DICER1: variants seen among roughly 807,000 people sequenced by gnomAD.
DICER1 encodes dicer 1, ribonuclease III, also known as endoribonuclease Dicer.
In DICER1, 43 loss-of-function variants were observed where a neutral mutation model predicts 194.1. The observed-to-expected ratio is 0.22, with a 90% CI of 0.17 to 0.29. The LOEUF (loss-of-function observed/expected upper bound fraction) is 0.29. DICER1 is among the 10% of genes least tolerant of loss of function. DICER1 has a pLI of 1.00. For synonymous variants in DICER1, 832 were observed against 820.5 expected (o/e 1.01, Z -0.24); for missense variants, 1,608 against 2,317.0 (o/e 0.69, Z 6.28).
chr14:95,086,413 A>G lies in DICER1; in HGVS notation c.*4085T>C, dbSNP rs1299339662. The G allele has an allele frequency of 8.6e-6, 2 of 233,216 alleles. No homozygotes were observed. Among genetic ancestry groups the G allele is most frequent in the African/African-American group, 4.4e-5 (2 of 45,348 alleles). The allele number at this position is 233,216 out of a possible 1,614,324, so 14.4% of individuals were successfully genotyped here. Reference sequence around the variant, plus strand: ...TGTGATGGTAAATATTTTATTGTCAATCAAATAATATGCATTAGTTTTACT... The same window carrying G: ...TGTGATGGTAAATATTTTATTGTCAGTCAAATAATATGCATTAGTTTTACT... On this transcript the variant is annotated 3_prime_UTR_variant, in exon 27 of 27. Coordinates refer to ENST00000343455, the MANE Select transcript of DICER1 (RefSeq NM_177438.3).
At chr14:95,151,640 G>T (rs564093685) in intron 1 of DICER1, among the ~76,000 whole-genome samples, 1 of 152,104 alleles carries the variant, frequency 6.6e-6, no homozygotes, top group African/African-American at 2.4e-5. Context: ...TCTCTCTGAC[G>T]CCAAACACTT....
chr14:95,143,639 T>G (rs1894954937), intron 1 of DICER1, among the ~76,000 whole-genome samples: 1 of 152,212 alleles, frequency 6.6e-6, no homozygotes, highest in African/African-American at 2.4e-5. Context: ...TGTAACCATT[T>G]AGTTACATAA....
chr14:95,096,103 G>A lies in DICER1; in HGVS notation c.4817C>T (p.Thr1606Ile), dbSNP rs2139842797. ...TTGTTGGCTGTTGAAATTCTCCCGA[G>A]TAGGGCACAGGGCCTTTTCCCGATC... The part of the protein sequence containing the change: ...RTDREKALCP[T>I]RENFNSQQKN... The change falls in exon 23 of 27, where the codon ACT becomes ATT. Residue 1606 changes from threonine (T) to isoleucine (I), a missense_variant. Thr to Ile is a moderately conservative substitution (Grantham distance 89). Coordinates refer to ENST00000343455, the MANE Select transcript of DICER1 (RefSeq NM_177438.3). The A allele has an allele frequency of 6.2e-7, 1 of 1,614,204 alleles. No individual in the cohort carries two copies. Among genetic ancestry groups the A allele is most frequent in the Non-Finnish European group, 8.5e-7 (1 of 1,180,032 alleles).
At chr14:95,102,247 C>T (rs537732838) in intron 21 of DICER1, among the ~76,000 whole-genome samples, 10 of 152,154 alleles carry the variant, frequency 6.6e-5, no homozygotes, top group Admixed American at 1.3e-4. Context: ...AGTTCTATCC[C>T]ATTCTCTGCT....
intron 20 of DICER1, among the ~76,000 whole-genome samples, chr14:95,104,470 C>T (rs1891233002): frequency 6.6e-6 from 1 of 152,216 alleles, no homozygotes; most frequent in African/African-American, 2.4e-5. Flanking sequence ...CATAAACTCT[C>T]TGTGCCTCAG....
intron 5 of DICER1, 99 bp from the exon 6 acceptor site, chr14:95,129,731 T>C (rs1893789573): frequency 8.6e-7 from 1 of 1,163,654 alleles, no homozygotes; most frequent in African/African-American, 1.5e-5. Context: ...CACTAACAAA[T>C]AGTAAAAAAG....
chr14:95,150,330 A>G (rs921893683), intron 1 of DICER1, among the ~76,000 whole-genome samples: 5 of 152,166 alleles, frequency 3.3e-5, no homozygotes, highest in Non-Finnish European at 7.4e-5. Flanking sequence ...CTTAAAAAAT[A>G]CAAAAATTAG....
rs1595410792 is a variant in DICER1, at chr14:95,116,508, G to T, written c.1697C>A (p.Thr566Lys). 6.2e-7 allele frequency: 1 copy of T among 1,613,562 alleles called. No individual in the cohort carries two copies. Among genetic ancestry groups the T allele is most frequent in the Non-Finnish European group, 8.5e-7 (1 of 1,179,734 alleles). ...PISNYIMLAD[T>K]DKIKSFEEDL... ...TTCTTCAAAACTTTTTATTTTGTCTGTATCCGCTAACATTATATAATTAGA... is the reference window on the plus strand; with the variant it reads ...TTCTTCAAAACTTTTTATTTTGTCTTTATCCGCTAACATTATATAATTAGA... The change falls in exon 10 of 27, where the codon ACA becomes AAA. Residue 566 changes from threonine (T) to lysine (K), a missense_variant. Thr to Lys is a moderately conservative substitution (Grantham distance 78). Around this residue, in one of 10 missense-constraint regions of DICER1, gnomAD observed 657 missense variants for 910.1 expected, o/e 0.72. Transcript: ENST00000343455.
At chr14:95,156,339 A>C (rs1308957753) in intron 1 of DICER1, among the ~76,000 whole-genome samples, 1 of 152,204 alleles carries the variant, frequency 6.6e-6, no homozygotes, top group Admixed American at 6.5e-5. Context: ...AGTCCTAAGA[A>C]CACTTACTTA....
At chr14:95,146,010 C>T (rs1366011783) in intron 1 of DICER1, among the ~76,000 whole-genome samples, 1 of 152,154 alleles carries the variant, frequency 6.6e-6, no homozygotes, top group Non-Finnish European at 1.5e-5. Flanking sequence ...TTGGTAAACC[C>T]TGGTTCATTT....
chr14:95,098,833 A>G (rs550897800), intron 22 of DICER1, among the ~76,000 whole-genome samples: 1 of 152,372 alleles, frequency 6.6e-6, no homozygotes, highest in South Asian at 2.1e-4. Context: ...TAAGACAAAT[A>G]CTACATGAGT....
chr14:95,113,166 G>C lies in DICER1; in HGVS notation c.1966C>G (p.Arg656Gly), dbSNP rs754081635. ...TAAAATGTACCATCAGGCAACTCTC[G>C]GGTTCTGCATTTAGGAGCTAGATGA... ...FTHLAPKCRT[R>G]ELPDGTFYST... The change falls in exon 12 of 27, where the codon CGA (arginine) becomes GGA (glycine). Residue 656 changes from arginine (R) to glycine (G), a missense_variant. Transcript: ENST00000343455. 6.2e-7 allele frequency: 1 copy of C among 1,613,320 alleles called. No individual in the cohort carries two copies. Among genetic ancestry groups the C allele is most frequent in the Non-Finnish European group, 8.5e-7 (1 of 1,179,408 alleles).
chr14:95,121,351 T>C (rs1168269529), intron 8 of DICER1, among the ~76,000 whole-genome samples: 1 of 152,162 alleles, frequency 6.6e-6, no homozygotes, highest in Non-Finnish European at 1.5e-5. Context: ...AAGAGGACAT[T>C]AGTAGAAAAG....
intron 1 of DICER1, among the ~76,000 whole-genome samples, chr14:95,136,246 T>C (rs17091843): frequency 0.03 from 4,531 of 152,296 alleles, 248 homozygotes; most frequent in African/African-American, 0.1. Flanking sequence ...TTCCTTTATG[T>C]ATTCAAAAGC....
At chr14:95,116,917 G>C (rs1370379684) in intron 9 of DICER1, among the ~76,000 whole-genome samples, 4 of 152,088 alleles carry the variant, frequency 2.6e-5, no homozygotes, top group Non-Finnish European at 5.9e-5. Flanking sequence ...TCCAATTCAG[G>C]ATAAATTAAA....
intron 1 of DICER1, among the ~76,000 whole-genome samples, chr14:95,149,160 T>C (rs970799812): frequency 4.6e-5 from 7 of 152,256 alleles, no homozygotes; most frequent in Non-Finnish European, 8.8e-5. Context: ...AGAGCATCCA[T>C]TGGGAAAAAG....
At chr14:95,102,552 T>C (rs946413860) in intron 21 of DICER1, among the ~76,000 whole-genome samples, 1 of 152,198 alleles carries the variant, frequency 6.6e-6, no homozygotes. Context: ...ACTTTGCTTA[T>C]GCACTGTCAA....
At position 95,109,413 on chromosome 14, in the gene DICER1, T is replaced by C. The variant is rs144648438; in HGVS notation, c.2257-910A>G. Among the ~76,000 whole-genome samples, 1,231 of 152,366 alleles carry C rather than the reference T, an allele frequency of 8.1e-3. 7 individuals carry two copies. The highest frequency in any genetic ancestry group is 0.02 in the Middle Eastern group (6 of 294). On this transcript the variant is annotated intron_variant, in intron 14 of 26. Transcript: ENST00000343455. ...CAGGCAGTACTATGCTTTTCTTTTT[T>C]TGTAGAGACAAGGTCTCACTATGTT...
intron 1 of DICER1, among the ~76,000 whole-genome samples, chr14:95,142,108 CT>C (rs1014051617): frequency 1.1e-4 from 16 of 151,854 alleles, no homozygotes; most frequent in African/African-American, 3.9e-4. Context: ...TTTCATTTTT[CT>C]TTTTGTTTTT....
Sources: gnomAD v4.1 joint callset for allele counts (sites outside exome capture counted in the v4.1 genomes callset) on GRCh38, gnomAD v4.1.1 for gene constraint, gnomAD v4.1.1 regional missense constraint, MANE v1.5 for transcripts, NCBI Gene and HGNC (gene_info 2026-07-23, HGNC 2026-07-21) for gene names.